Variants in CDIN1 observed in about 807,000 individuals in gnomAD.
CDIN1 encodes CDAN1-interacting nuclease 1.
A neutral mutation model predicts 45.3 loss-of-function variants in CDIN1; 33 were observed. The observed-to-expected ratio is 0.73, with a 90% CI of 0.55 to 0.97. CDIN1 has a LOEUF of 0.97. CDIN1 is among the 50% of genes least tolerant of loss of function. The pLI is 0.00. For missense variants in CDIN1, 303 were observed against 339.4 expected (o/e 0.89, Z 0.84); for synonymous variants, 118 against 124.4 (o/e 0.95, Z 0.34).
At chr15:36,669,756 T>A (rs1258333016) in intron 5 of CDIN1, among the ~76,000 whole-genome samples, 2 of 152,226 alleles carry the variant, frequency 1.3e-5, no homozygotes, top group East Asian at 3.9e-4. Context: ...TTCTGCATAA[T>A]GCCTTCAATT....
intron 5 of CDIN1, among the ~76,000 whole-genome samples, chr15:36,670,757 A>G (rs923773855): frequency 1.3e-5 from 2 of 152,062 alleles, no homozygotes; most frequent in African/African-American, 2.4e-5. Context: ...CTGCCTGTCC[A>G]TTGTAGCTGT....
At chr15:36,764,528 T>C (rs1273257030) in intron 10 of CDIN1, among the ~76,000 whole-genome samples, 4 of 152,230 alleles carry the variant, frequency 2.6e-5, no homozygotes, top group Non-Finnish European at 5.9e-5. Context: ...ATCTGCTACA[T>C]AGAATCTTTG....
At chr15:36,671,033 T>C (rs1179967210) in intron 5 of CDIN1, among the ~76,000 whole-genome samples, 1 of 152,174 alleles carries the variant, frequency 6.6e-6, no homozygotes, top group Non-Finnish European at 1.5e-5. Context: ...CAGCATTTCC[T>C]CTGTGTTTTT....
In CDIN1 at chr15:36,809,493, C is replaced by G. The variant is rs1014841468; in HGVS notation, c.*1040C>G. 1 of 152,222 alleles carries G rather than the reference C, an allele frequency of 6.6e-6. No homozygotes were observed. Among genetic ancestry groups the G allele is most frequent in the African/African-American group, 2.4e-5 (1 of 41,442 alleles). 9.4% of individuals were successfully genotyped at this position (152,222 alleles called of 1,614,324 possible). On this transcript the variant is annotated 3_prime_UTR_variant, in exon 11 of 11. Coordinates refer to ENST00000566621, the MANE Select transcript of CDIN1 (RefSeq NM_001321759.2). ...TAAAGGAGATTTTTCTATTTGTTCA[C>G]TTTAATTTATTCACTTTTGTGTACT...
chr15:36,628,874 G>A lies in CDIN1; in HGVS notation c.102-15404G>A, dbSNP rs553525903. ...AGATTATCCTAGAATACCAGGATGG[G>A]CCCTAAATGGAATTACATGCATCCT... On this transcript the variant is annotated intron_variant, in intron 1 of 10. Transcript: ENST00000566621. Among the ~76,000 whole-genome samples the A allele has an allele frequency of 2.0e-5, 3 of 152,280 alleles. No individual in the cohort carries two copies. The East Asian group carries it at 5.8e-4, about 29-fold the overall frequency.
At chr15:36,651,285 G>C (rs1477521163) in intron 3 of CDIN1, among the ~76,000 whole-genome samples, 13 of 152,176 alleles carry the variant, frequency 8.5e-5, no homozygotes, top group Non-Finnish European at 1.9e-4. Context: ...CTACCCCAAA[G>C]AGCATTCAGG....
chr15:36,703,085 G>T (rs890734716), intron 8 of CDIN1, among the ~76,000 whole-genome samples: 1 of 150,464 alleles, frequency 6.6e-6, no homozygotes, highest in South Asian at 2.1e-4. Context: ...AGGTGTGGTG[G>T]TGCACGCCTG....
chr15:36,808,367 G>A lies in CDIN1; in HGVS notation c.760G>A (p.Glu254Lys). 1 of 1,613,586 alleles carries A rather than the reference G, an allele frequency of 6.2e-7. No homozygotes were observed. Among genetic ancestry groups the A allele is most frequent in the Middle Eastern group, 1.7e-4 (1 of 6,056 alleles). Reference sequence around the variant, plus strand: ...CATCTATTGGTATGGATTTATCCAGGAGCTGGACTGCAACCGGGAAAGGGG... The same window carrying A: ...CATCTATTGGTATGGATTTATCCAGAAGCTGGACTGCAACCGGGAAAGGGG... ...LVIYWYGFIQ[E>K]LDCNRERGIL... The change falls in exon 11 of 11, where the codon GAG becomes AAG. Residue 254 changes from glutamate (E) to lysine (K), a missense_variant. Transcript: ENST00000566621.
chr15:36,700,922 T>A (rs145581991), intron 8 of CDIN1, among the ~76,000 whole-genome samples: 2 of 152,006 alleles, frequency 1.3e-5, no homozygotes, highest in African/African-American at 4.8e-5. Flanking sequence ...CAAAATTTTT[T>A]AAAATTTTGT....
At chr15:36,624,457 T>G (rs12148445) in intron 1 of CDIN1, among the ~76,000 whole-genome samples, 18,012 of 152,256 alleles carry the variant, frequency 0.12, 1,057 homozygotes, top group Middle Eastern at 0.17. Context: ...AAGTGGGTGG[T>G]TGTAGAATAA....
chr15:36,758,329 A>G (rs1330606179), intron 10 of CDIN1, among the ~76,000 whole-genome samples: 1 of 152,138 alleles, frequency 6.6e-6, no homozygotes, highest in Non-Finnish European at 1.5e-5. Context: ...TAGTCTAGTG[A>G]TATTTCAACA....
intron 1 of CDIN1, among the ~76,000 whole-genome samples, chr15:36,581,247 A>T (rs1196494811): frequency 2.0e-5 from 3 of 152,240 alleles, no homozygotes; most frequent in African/African-American, 7.2e-5. Context: ...AAGAAAGAGC[A>T]TACATTTTGA....
intron 1 of CDIN1, among the ~76,000 whole-genome samples, chr15:36,616,639 G>C (rs983738635): frequency 1.8e-4 from 27 of 152,292 alleles, no homozygotes; most frequent in African/African-American, 6.3e-4. Flanking sequence ...GCAAGGCTGG[G>C]TGCAGTGGCT....
At chr15:36,638,816 T>C (rs1031957512) in intron 1 of CDIN1, among the ~76,000 whole-genome samples, 1 of 152,092 alleles carries the variant, frequency 6.6e-6, no homozygotes, top group Non-Finnish European at 1.5e-5. Context: ...CATTTCAGGG[T>C]TGTTTGGAGT....
intron 1 of CDIN1, among the ~76,000 whole-genome samples, chr15:36,636,758 A>G (rs531160248): frequency 6.6e-6 from 1 of 152,326 alleles, no homozygotes; most frequent in Non-Finnish European, 1.5e-5. Flanking sequence ...GGGACCTTTC[A>G]ATAATGTTGT....
At chr15:36,755,368 A>T (rs1467181027) in intron 10 of CDIN1, among the ~76,000 whole-genome samples, 1 of 152,078 alleles carries the variant, frequency 6.6e-6, no homozygotes, top group African/African-American at 2.4e-5. Flanking sequence ...AATTAATCTC[A>T]TTTTAGTACA....
At chr15:36,636,036 G>A (rs536813061) in intron 1 of CDIN1, among the ~76,000 whole-genome samples, 32 of 152,038 alleles carry the variant, frequency 2.1e-4, no homozygotes, top group Non-Finnish European at 4.3e-4. Flanking sequence ...CAATGTTGAA[G>A]AAATTATGAT....
At chr15:36,711,148 T>C (rs980524544) in intron 10 of CDIN1, among the ~76,000 whole-genome samples, 18 of 152,156 alleles carry the variant, frequency 1.2e-4, no homozygotes, top group Admixed American at 3.9e-4. Context: ...TTTAGATTTT[T>C]AGCAATTTTA....
intron 10 of CDIN1, among the ~76,000 whole-genome samples, chr15:36,758,204 T>C (rs1340859701): frequency 6.6e-6 from 1 of 152,144 alleles, no homozygotes; most frequent in African/African-American, 2.4e-5. Flanking sequence ...GTGATACTAA[T>C]CTCAGAGCAG....
Sources: gnomAD v4.1 joint callset for allele counts (sites outside exome capture counted in the v4.1 genomes callset) on GRCh38, gnomAD v4.1.1 for gene constraint, MANE v1.5 for transcripts, NCBI Gene and HGNC (gene_info 2026-07-23, HGNC 2026-07-21) for gene names.